OSBPL10: variants seen among roughly 807,000 people sequenced by gnomAD.
OSBPL10 encodes oxysterol binding protein like 10.
Under a neutral mutation model 81.7 loss-of-function variants are expected in OSBPL10, and 49 were observed. That is an observed-to-expected ratio of 0.60 (90% CI 0.48 to 0.76). The LOEUF is 0.76. OSBPL10 is among the 30% of genes least tolerant of loss of function. OSBPL10 has a pLI of 0.00. For missense variants in OSBPL10, 923 were observed against 987.8 expected, an observed-to-expected ratio of 0.93 and a Z score of 0.88; for synonymous variants, 419 against 383.6, an observed-to-expected ratio of 1.09 and a Z score of -1.08.
At chr3:32,003,851 A>T (rs555380216) in intron 2 of OSBPL10, among the ~76,000 whole-genome samples, 1 of 152,160 alleles carries the variant, frequency 6.6e-6, no homozygotes, top group Non-Finnish European at 1.5e-5. Context: ...AAAAGGGAGA[A>T]CAGTGGATTT....
intron 1 of OSBPL10, among the ~76,000 whole-genome samples, chr3:31,884,449 A>G (rs1695677056): frequency 6.6e-6 from 1 of 152,234 alleles, no homozygotes; most frequent in Non-Finnish European, 1.5e-5. Flanking sequence ...AACAGACTCA[A>G]CAAGTGTTCT....
At chr3:31,875,660 G>C (rs1701452056) in intron 3 of OSBPL10, among the ~76,000 whole-genome samples, 1 of 151,890 alleles carries the variant, frequency 6.6e-6, no homozygotes, top group African/African-American at 2.4e-5. Flanking sequence ...CCCTGACCCA[G>C]AAAGCAGGCA....
chr3:32,066,268 C>G (rs1390825046), intron 1 of OSBPL10, among the ~76,000 whole-genome samples: 1 of 91,854 alleles, frequency 1.1e-5, no homozygotes, highest in African/African-American at 2.8e-5. Context: ...ATCACCCTAG[C>G]CTGCCTTCAG....
chr3:31,833,699 G>GCGCA lies in OSBPL10; in HGVS notation c.538-3469_538-3468insTGCG, dbSNP rs1491089861. On this transcript the variant is annotated intron_variant, in intron 3 of 11. Transcript: ENST00000396556. ...AAGATTGTAGGGAAAACACGCACAC[G>GCGCA]CACACGCACACACACACACACACAC... is the stretch of plus-strand genomic sequence containing the variant. 8.4e-5 allele frequency among the ~76,000 whole-genome samples: 10 copies of GCGCA among 118,908 alleles called. No homozygotes were observed. The East Asian group carries it at 2.0e-3, about 23-fold the overall frequency. The allele number at this position is 118,908 out of a possible 152,430, so 78.0% of individuals were successfully genotyped here.
intron 1 of OSBPL10, among the ~76,000 whole-genome samples, chr3:31,951,413 G>T (rs925809463): frequency 6.6e-6 from 1 of 151,930 alleles, no homozygotes; most frequent in Non-Finnish European, 1.5e-5. Flanking sequence ...TTATACAAAG[G>T]TGAAGGAATG....
intron 2 of OSBPL10, chr3:31,989,753 T>G: frequency 6.2e-7 from 1 of 1,614,160 alleles, no homozygotes; most frequent in South Asian, 1.1e-5. Context: ...GAAGTACACA[T>G]AAGAGAAAAA....
intron 7 of OSBPL10, among the ~76,000 whole-genome samples, chr3:31,686,478 G>C (rs1265119816): frequency 1.3e-5 from 2 of 152,150 alleles, no homozygotes; most frequent in Non-Finnish European, 2.9e-5. Flanking sequence ...ATGTAAAATT[G>C]AACATGTAAT....
At chr3:31,752,283 A>G (rs1697745708) in intron 4 of OSBPL10, among the ~76,000 whole-genome samples, 1 of 152,208 alleles carries the variant, frequency 6.6e-6, no homozygotes, top group African/African-American at 2.4e-5. Flanking sequence ...AACATTAATC[A>G]TCCATGATTG....
intron 4 of OSBPL10, among the ~76,000 whole-genome samples, chr3:31,775,940 T>C (rs1698535678): frequency 6.6e-6 from 1 of 151,976 alleles, no homozygotes. Context: ...GCTGATGCAA[T>C]ATGAATTCCA....
At chr3:31,933,522 A>G (rs1697306159) in intron 1 of OSBPL10, among the ~76,000 whole-genome samples, 1 of 151,330 alleles carries the variant, frequency 6.6e-6, no homozygotes. Flanking sequence ...CTTCTACCTC[A>G]CCCTCCCGAG....
intron 1 of OSBPL10, among the ~76,000 whole-genome samples, chr3:31,952,178 A>C (rs1206442136): frequency 6.6e-6 from 1 of 151,698 alleles, no homozygotes; most frequent in Non-Finnish European, 1.5e-5. Context: ...GCAAATGCAA[A>C]TAAAGAATCC....
rs556856743 is a variant in OSBPL10, at chr3:31,965,318, T to C, written c.281+15581A>G. Among the ~76,000 whole-genome samples the C allele has an allele frequency of 5.0e-3, 721 of 143,884 alleles. 14 individuals are homozygous for C. The highest frequency in any genetic ancestry group is 0.018 in the African/African-American group (688 of 38,864). The allele number at this position is 143,884 out of a possible 152,430, so 94.4% of individuals were successfully genotyped here. A position where few individuals can be genotyped will look rare whatever the true frequency, so the allele number is the denominator to read the frequency against. On this transcript the variant is annotated intron_variant, in intron 1 of 11. Transcript: ENST00000396556. ...CCAGGAGGCAGAGCTTGCAGGGAGC[T>C]GAGATCGCACTACTGCACTCCAGCC...
chr3:31,863,983 T>C (rs1003692912), intron 3 of OSBPL10, among the ~76,000 whole-genome samples: 1 of 152,134 alleles, frequency 6.6e-6, no homozygotes, highest in Non-Finnish European at 1.5e-5. Flanking sequence ...AGAAGCAGCG[T>C]TGATATTTGC....
intron 1 of OSBPL10, chr3:31,906,790 T>C (rs1004561856): frequency 3.9e-5 from 6 of 152,178 alleles, no homozygotes; most frequent in Non-Finnish European, 7.4e-5. Flanking sequence ...ATAAAAGAGG[T>C]TGTACCTGGT....
rs778470106 is a variant in OSBPL10, at chr3:31,665,620, T to G, written c.2097-1388A>C. ...CAAGAAAACTGCTGGCACTGAGAGA[T>G]AAGCCAGATCTGATTGGTCTCTCAG... On this transcript the variant is annotated intron_variant, in intron 10 of 11. Transcript: ENST00000396556. 3.3e-5 allele frequency among the ~76,000 whole-genome samples: 5 copies of G among 152,184 alleles called. No individual in the cohort carries two copies. The South Asian group carries it at 8.3e-4, about 25-fold the overall frequency.
At chr3:31,878,437 C>G (rs1399529489) in intron 2 of OSBPL10, among the ~76,000 whole-genome samples, 2 of 149,614 alleles carry the variant, frequency 1.3e-5, no homozygotes, top group Non-Finnish European at 3.0e-5. Flanking sequence ...GAACATGAAT[C>G]TTATCACATT....
chr3:31,833,693 G>GCA lies in OSBPL10; in HGVS notation c.538-3464_538-3463dup, dbSNP rs751246163. On this transcript the variant is annotated intron_variant, in intron 3 of 11. Transcript: ENST00000396556. ...AATATCAAGATTGTAGGGAAAACACGCACACGCACACGCACACACACACAC... is the reference window on the plus strand; with the variant it reads ...AATATCAAGATTGTAGGGAAAACACGCACACACGCACACGCACACACACACAC... Among the ~76,000 whole-genome samples, 67 of 132,970 alleles carry GCA rather than the reference G, an allele frequency of 5.0e-4. 2 individuals carry two copies. Among genetic ancestry groups the GCA allele is most frequent in the South Asian group, 1.9e-3 (8 of 4,246 alleles). 87.2% of individuals were successfully genotyped at this position (132,970 alleles called of 152,430 possible). A position where few individuals can be genotyped will look rare whatever the true frequency, so the allele number is the denominator to read the frequency against.
chr3:31,817,448 C>T (rs1479065420), intron 4 of OSBPL10, among the ~76,000 whole-genome samples: 1 of 152,188 alleles, frequency 6.6e-6, no homozygotes, highest in Non-Finnish European at 1.5e-5. Flanking sequence ...GGAGTTCCCA[C>T]CCCATCAACT....
At chr3:31,773,775 G>C (rs181152754) in intron 4 of OSBPL10, among the ~76,000 whole-genome samples, 1 of 152,352 alleles carries the variant, frequency 6.6e-6, no homozygotes, top group African/African-American at 2.4e-5. Context: ...GTGACACTCA[G>C]TCAGAGACTC....
Sources: allele counts gnomAD v4.1 joint callset (sites outside exome capture counted in the v4.1 genomes callset), GRCh38; gene constraint gnomAD v4.1.1; transcripts MANE v1.5; gene names NCBI Gene and HGNC (gene_info 2026-07-23, HGNC 2026-07-21).